PTPRD: variants seen among roughly 807,000 people sequenced by gnomAD.
PTPRD encodes the protein protein tyrosine phosphatase receptor type D.
Under a neutral mutation model 214.5 loss-of-function variants are expected in PTPRD, and 34 were observed. The ratio of observed to expected loss-of-function variants is 0.16; its 90% CI spans 0.12 to 0.21. The LOEUF (loss-of-function observed/expected upper bound fraction) is 0.21. Among genes scored for constraint, PTPRD ranks in the 10% least tolerant of loss-of-function variants. The pLI is 1.00. For synonymous variants in PTPRD, 1,128 were observed against 845.7 expected (o/e 1.33, Z -5.79); for missense variants, 2,545 against 2,398.7 (o/e 1.06, Z -1.27).
intron 35 of PTPRD, among the ~76,000 whole-genome samples, chr9:8,417,001 T>C (rs572381718): frequency 3.9e-4 from 60 of 152,230 alleles, no homozygotes; most frequent in African/African-American, 1.4e-3. Context: ...AATAGATACG[T>C]AAATTATAAA....
chr9:8,874,362 T>C (rs76083353), intron 11 of PTPRD, among the ~76,000 whole-genome samples: 1 of 142,072 alleles, frequency 7.0e-6, no homozygotes, highest in Admixed American at 7.6e-5. Flanking sequence ...GAACGGACTG[T>C]TTTTTTTGCA....
At chr9:9,018,290 C>G (rs2099544796) in intron 11 of PTPRD, among the ~76,000 whole-genome samples, 1 of 152,118 alleles carries the variant, frequency 6.6e-6, no homozygotes, top group African/African-American at 2.4e-5. Flanking sequence ...CTACTCACTG[C>G]TCACTAACCT....
In PTPRD at chr9:8,592,321, G is replaced by A. The variant is rs1226314458; in HGVS notation, c.352+40996C>T. Among the ~76,000 whole-genome samples, 3 of 151,958 alleles carry A rather than the reference G, an allele frequency of 2.0e-5. 1 individual carries two copies. In the South Asian group the frequency reaches 6.2e-4, roughly 32 times the overall value. ...CTTGATCATGTAAAATATCCTTTCC[G>A]CTTTAGCTGACTAAACTTTAAAACC... On this transcript the variant is annotated intron_variant, in intron 14 of 45. Coordinates refer to ENST00000381196, the MANE Select transcript of PTPRD (RefSeq NM_002839.4).
chr9:9,595,553 TGTGTGTG>T (rs2093270456), intron 7 of PTPRD, among the ~76,000 whole-genome samples: 1 of 2,592 alleles, frequency 3.9e-4, no homozygotes, highest in Non-Finnish European at 7.2e-3. Flanking sequence ...TGTGTGTTTG[TGTGTGTG>T]TGTGTGTGTG....
chr9:10,272,299 C>A lies in PTPRD; in HGVS notation c.-545+68664G>T, dbSNP rs543885191. Among the ~76,000 whole-genome samples the A allele has an allele frequency of 1.1e-4, 17 of 152,188 alleles. No homozygotes were observed. The East Asian group carries it at 2.7e-3, about 24-fold the overall frequency. ...TGTATCAGCACTTCGCTTTTTATTG[C>A]CAATAATATTCCATTTTATAGACAA... On this transcript the variant is annotated intron_variant, in intron 3 of 45. Coordinates refer to ENST00000381196, the MANE Select transcript of PTPRD (RefSeq NM_002839.4).
chr9:9,014,824 A>G (rs1197019565), intron 11 of PTPRD, among the ~76,000 whole-genome samples: 4 of 152,186 alleles, frequency 2.6e-5, no homozygotes, highest in Admixed American at 6.6e-5. Context: ...TTAAGACTCA[A>G]TCATTTCAAC....
chr9:10,479,628 C>CATAAATAAATAA (rs879459258), intron 2 of PTPRD, among the ~76,000 whole-genome samples: 53 of 101,774 alleles, frequency 5.2e-4, no homozygotes, highest in African/African-American at 1.9e-3. Context: ...AAAAAGAAAA[C>CATAAATAAATAA]ATAAATAAAT....
At chr9:8,528,865 T>A (rs1294003990) in intron 14 of PTPRD, 86 bp from the exon 15 acceptor site, 15 of 1,330,422 alleles carry the variant, frequency 1.1e-5, no homozygotes, top group East Asian at 2.4e-5. Flanking sequence ...TCTCTTTACC[T>A]TACTCAGTGC....
At chr9:9,940,611 C>T (rs946182627) in intron 4 of PTPRD, among the ~76,000 whole-genome samples, 1 of 152,070 alleles carries the variant, frequency 6.6e-6, no homozygotes, top group Non-Finnish European at 1.5e-5. Context: ...TAAATTAAAT[C>T]GCATAGCATA....
At chr9:8,438,993 T>G (rs35253812) in intron 34 of PTPRD, among the ~76,000 whole-genome samples, 1 of 152,194 alleles carries the variant, frequency 6.6e-6, no homozygotes, top group South Asian at 2.1e-4. Flanking sequence ...CAGACCTACA[T>G]TGAGTCATTA....
intron 3 of PTPRD, among the ~76,000 whole-genome samples, chr9:10,164,048 T>C (rs2099144411): frequency 6.6e-6 from 1 of 151,510 alleles, no homozygotes; most frequent in African/African-American, 2.4e-5. Context: ...AAGCACAGGA[T>C]AGAAGAATAT....
intron 2 of PTPRD, among the ~76,000 whole-genome samples, chr9:10,559,726 AC>A (rs2063432205): frequency 6.6e-6 from 1 of 152,014 alleles, no homozygotes; most frequent in South Asian, 2.1e-4. Context: ...AAAACAAACA[AC>A]CCCATCAAAA....
chr9:10,251,502 G>T (rs1052422233), intron 3 of PTPRD, among the ~76,000 whole-genome samples: 2 of 151,816 alleles, frequency 1.3e-5, no homozygotes, highest in Middle Eastern at 3.2e-3. Flanking sequence ...ACAACAAGTT[G>T]CTTAGCTCTG....
At chr9:9,090,654 G>C (rs1406185172) in intron 10 of PTPRD, among the ~76,000 whole-genome samples, 1 of 152,098 alleles carries the variant, frequency 6.6e-6, no homozygotes, top group Non-Finnish European at 1.5e-5. Context: ...TGGCAGCCTG[G>C]CACTTTCATA....
At chr9:9,341,026 G>T (rs2046585617) in intron 9 of PTPRD, among the ~76,000 whole-genome samples, 1 of 152,024 alleles carries the variant, frequency 6.6e-6, no homozygotes, top group Non-Finnish European at 1.5e-5. Context: ...CTTATAAAAG[G>T]TAGTTGTAAA....
intron 23 of PTPRD, among the ~76,000 whole-genome samples, chr9:8,502,003 T>C (rs1391416860): frequency 6.6e-6 from 1 of 152,142 alleles, no homozygotes; most frequent in Admixed American, 6.5e-5. Flanking sequence ...AAAGATATAA[T>C]TTCTGTGCAA....
chr9:10,533,510 T>C (rs372849717), intron 2 of PTPRD, among the ~76,000 whole-genome samples: 5 of 149,720 alleles, frequency 3.3e-5, no homozygotes, highest in East Asian at 2.0e-4. Flanking sequence ...TTCCATTGTA[T>C]TGAAATTAGT....
chr9:9,913,666 A>G (rs1335228141), intron 5 of PTPRD, among the ~76,000 whole-genome samples: 2 of 152,140 alleles, frequency 1.3e-5, no homozygotes, highest in Non-Finnish European at 2.9e-5. Flanking sequence ...AGGAAAAGGT[A>G]AGCAGAAGAA....
At chr9:9,435,856 A>C (rs2085034141) in intron 8 of PTPRD, among the ~76,000 whole-genome samples, 2 of 152,214 alleles carry the variant, frequency 1.3e-5, no homozygotes, top group Admixed American at 1.3e-4. Context: ...TTTAATTACC[A>C]GCAAAAGATT....
Sources: allele counts gnomAD v4.1 joint callset (sites outside exome capture counted in the v4.1 genomes callset), GRCh38; gene constraint gnomAD v4.1.1; transcripts MANE v1.5; gene names NCBI Gene and HGNC (gene_info 2026-07-23, HGNC 2026-07-21).